The following MITF variants were observed in gnomAD, a reference collection of about 807,000 sequenced individuals.
The protein encoded by MITF is microphthalmia-associated transcription factor.
Under a neutral mutation model 60.5 loss-of-function variants are expected in MITF, and 17 were observed. The ratio of observed to expected loss-of-function variants is 0.28; its 90% CI spans 0.19 to 0.42. The LOEUF (loss-of-function observed/expected upper bound fraction) is 0.42, where lower values mean the gene tolerates loss of function less well. Among genes scored for constraint, MITF ranks in the 10% least tolerant of loss-of-function variants. The pLI is 1.00. For missense variants in MITF, 622 were observed against 683.5 expected, an observed-to-expected ratio of 0.91 and a Z score of 1.00; for synonymous variants, 260 against 248.5, an observed-to-expected ratio of 1.05 and a Z score of -0.43.
chr3:69,828,258 CGTT>C (rs2063388259), intron 1 of MITF, among the ~76,000 whole-genome samples: 1 of 151,874 alleles, frequency 6.6e-6, no homozygotes, highest in Admixed American at 6.6e-5. Flanking sequence ...TAGTTTCAAA[CGTT>C]GTATTTTAAG....
chr3:69,926,212 A>G (rs143517583), intron 2 of MITF, among the ~76,000 whole-genome samples: 42 of 152,298 alleles, frequency 2.8e-4, no homozygotes, highest in African/African-American at 8.9e-4. Context: ...CATAATCTAT[A>G]AGGCAAGTTT....
intron 6 of MITF, among the ~76,000 whole-genome samples, chr3:69,949,965 G>C (rs755209677): frequency 6.6e-6 from 1 of 152,046 alleles, no homozygotes; most frequent in Non-Finnish European, 1.5e-5. Flanking sequence ...TTCCAGTCAA[G>C]GATGTCTTAA....
chr3:69,962,424 A>G (rs2107545861), intron 9 of MITF, among the ~76,000 whole-genome samples: 2 of 152,316 alleles, frequency 1.3e-5, no homozygotes, highest in African/African-American at 4.8e-5. Context: ...TGACATGTCA[A>G]GCTCCTGGCT....
intron 2 of MITF, among the ~76,000 whole-genome samples, chr3:69,911,357 G>GAAGTGACA (rs989322667): frequency 6.6e-6 from 1 of 152,126 alleles, no homozygotes; most frequent in African/African-American, 2.4e-5. Context: ...AGGCAGGAGT[G>GAAGTGACA]AAGTGACATG....
rs150364989 is a variant in MITF, at chr3:69,864,463, G to A, written c.105-14671G>A. On this transcript the variant is annotated intron_variant, in intron 1 of 9. Transcript: ENST00000352241. ...CGTATTTATTGGTCCTTAGTTTTAC[G>A]AGCAATCTGCCCACTTTTCTCCACT... 2.3e-3 allele frequency among the ~76,000 whole-genome samples: 354 copies of A among 152,230 alleles called. 2 individuals are homozygous for A. The highest frequency in any genetic ancestry group is 8.2e-3 in the African/African-American group (339 of 41,520).
intron 5 of MITF, among the ~76,000 whole-genome samples, chr3:69,941,646 T>C (rs2065971372): frequency 2.6e-5 from 4 of 152,156 alleles, no homozygotes; most frequent in Admixed American, 2.0e-4. Context: ...AAGGGAACCA[T>C]TGTGAACTGC....
At position 69,769,059 on chromosome 3, in the gene MITF, T is replaced by C. The variant is rs558400706; in HGVS notation, c.104+29358T>C. On this transcript the variant is annotated intron_variant, in intron 1 of 9. Coordinates refer to ENST00000352241, the MANE Select transcript of MITF (RefSeq NM_001354604.2). Reference sequence around the variant, plus strand: ...TGTGAGTTTGGGCAAATCACTAAGATTCTCTCTTCACCTGTAAAATGAAGT... The same window carrying C: ...TGTGAGTTTGGGCAAATCACTAAGACTCTCTCTTCACCTGTAAAATGAAGT... 5.3e-5 allele frequency among the ~76,000 whole-genome samples: 8 copies of C among 152,314 alleles called. 1 individual carries two copies. The South Asian group carries it at 1.7e-3, about 32-fold the overall frequency.
At position 69,747,483 on chromosome 3, in the gene MITF, C is replaced by T. The variant is rs111659361; in HGVS notation, c.104+7782C>T. On this transcript the variant is annotated intron_variant, in intron 1 of 9. Coordinates refer to ENST00000352241, the MANE Select transcript of MITF (RefSeq NM_001354604.2). The stretch of plus-strand genomic sequence containing the variant: ...AACTCTAATTCTCTCTTCTGTAAAA[C>T]GGGACAGTTGCCATCTTGCAAGGCT... Among the ~76,000 whole-genome samples the T allele has an allele frequency of 2.6e-3, 402 of 152,284 alleles. 5 individuals carry two copies. The highest frequency in any genetic ancestry group is 9.3e-3 in the African/African-American group (386 of 41,548).
At chr3:69,784,197 A>G (rs2062612263) in intron 1 of MITF, among the ~76,000 whole-genome samples, 1 of 151,920 alleles carries the variant, frequency 6.6e-6, no homozygotes, top group Non-Finnish European at 1.5e-5. Flanking sequence ...TGTTGTTTAA[A>G]TACCCACTAT....
At chr3:69,913,235 G>T (rs1176681190) in intron 2 of MITF, among the ~76,000 whole-genome samples, 1 of 152,088 alleles carries the variant, frequency 6.6e-6, no homozygotes, top group African/African-American at 2.4e-5. Context: ...GTAGAGATAA[G>T]AGAGAGTAGG....
chr3:69,749,877 A>C (rs572400841), intron 1 of MITF, among the ~76,000 whole-genome samples: 15 of 152,316 alleles, frequency 9.8e-5, no homozygotes, highest in Admixed American at 5.2e-4. Context: ...AATATTTTTT[A>C]TCTAGGCAAA....
At chr3:69,858,597 C>T (rs1469299236) in intron 1 of MITF, among the ~76,000 whole-genome samples, 3 of 151,996 alleles carry the variant, frequency 2.0e-5, no homozygotes, top group African/African-American at 7.2e-5. Flanking sequence ...AGAAGGTTTC[C>T]TGGACTAGAA....
At chr3:69,778,472 T>G (rs181455153) in intron 1 of MITF, among the ~76,000 whole-genome samples, 1 of 152,292 alleles carries the variant, frequency 6.6e-6, no homozygotes, top group African/African-American at 2.4e-5. Context: ...AGCCCAGGGC[T>G]CTGTAATCAC....
chr3:69,854,635 T>C (rs911511526), intron 1 of MITF, among the ~76,000 whole-genome samples: 9 of 152,192 alleles, frequency 5.9e-5, no homozygotes, highest in Non-Finnish European at 1.2e-4. Flanking sequence ...TTGTCTTCTG[T>C]ATGAAAGAGG....
At chr3:69,756,887 A>T (rs956322607) in intron 1 of MITF, among the ~76,000 whole-genome samples, 4 of 152,196 alleles carry the variant, frequency 2.6e-5, no homozygotes, top group Admixed American at 2.0e-4. Context: ...ATGACCAGTG[A>T]TGATGATCTT....
Position 69,893,149 on chromosome 3 carries a change from C to A in MITF, c.354+13766C>A, listed in dbSNP as rs75067431. 7.7e-3 allele frequency among the ~76,000 whole-genome samples: 1,178 copies of A among 152,238 alleles called. 10 individuals are homozygous for A. Among genetic ancestry groups the A allele is most frequent in the African/African-American group, 0.026 (1,097 of 41,510 alleles). The stretch of plus-strand genomic sequence containing the variant: ...TACTGATTGCCTTCTCACCTTCTTA[C>A]CTCCCTTTCATAGTTATAGTCCACC... On this transcript the variant is annotated intron_variant, in intron 2 of 9. Coordinates refer to ENST00000352241, the MANE Select transcript of MITF (RefSeq NM_001354604.2).
chr3:69,750,314 T>C (rs1703883262), intron 1 of MITF, among the ~76,000 whole-genome samples: 1 of 152,078 alleles, frequency 6.6e-6, no homozygotes, highest in Non-Finnish European at 1.5e-5. Flanking sequence ...CCCAGGATTT[T>C]CTTGGGTGCT....
At chr3:69,848,127 G>A (rs938652899) in intron 1 of MITF, among the ~76,000 whole-genome samples, 2 of 152,312 alleles carry the variant, frequency 1.3e-5, no homozygotes, top group South Asian at 2.1e-4. Flanking sequence ...AAAGCTTTGC[G>A]AATTTATAAC....
intron 1 of MITF, among the ~76,000 whole-genome samples, chr3:69,806,275 C>G (rs2063006067): frequency 6.6e-6 from 1 of 151,882 alleles, no homozygotes; most frequent in African/African-American, 2.4e-5. Context: ...TTGGTAGAGA[C>G]AGGGTTTTAC....
Sources: allele counts gnomAD v4.1 joint callset (sites outside exome capture counted in the v4.1 genomes callset), GRCh38; gene constraint gnomAD v4.1.1; transcripts MANE v1.5; gene names NCBI Gene and HGNC (gene_info 2026-07-23, HGNC 2026-07-21).